Variants in PCED1B observed in about 807,000 individuals in gnomAD.
PCED1B encodes the protein PC-esterase domain-containing protein 1B.
For synonymous variants in PCED1B, 251 were observed against 246.1 expected (o/e 1.02, Z -0.19); for missense variants, 573 against 573.9 (o/e 1.00, Z 0.02).
In PCED1B at chr12:47,098,202, G is replaced by A. The variant is rs748669372; in HGVS notation, c.-608-5911G>A. Among the ~76,000 whole-genome samples the A allele has an allele frequency of 3.3e-4, 51 of 152,262 alleles. 1 individual carries two copies. The Middle Eastern group carries it at 0.02, about 61-fold the overall frequency. On this transcript the variant is annotated intron_variant, in intron 1 of 3. Coordinates refer to ENST00000546455, the MANE Select transcript of PCED1B (RefSeq NM_138371.3). ...CCTTGCCCCACTCCAATGAGACCAG[G>A]GGTAGACTCGTGGACCACAACAATC...
intron 2 of PCED1B, among the ~76,000 whole-genome samples, chr12:47,179,813 T>G (rs1260777531): frequency 6.6e-6 from 1 of 152,166 alleles, no homozygotes; most frequent in African/African-American, 2.4e-5. Flanking sequence ...CATAATCTCT[T>G]CTTCTACTGA....
intron 1 of PCED1B, among the ~76,000 whole-genome samples, chr12:47,092,707 G>A (rs917590947): frequency 2.6e-5 from 4 of 151,982 alleles, no homozygotes; most frequent in South Asian, 4.1e-4. Context: ...AATTGATTAC[G>A]TGTTTTCATC....
intron 2 of PCED1B, among the ~76,000 whole-genome samples, chr12:47,184,708 T>C (rs1447376293): frequency 6.6e-6 from 1 of 151,782 alleles, no homozygotes; most frequent in African/African-American, 2.4e-5. Flanking sequence ...CGTCATTTCA[T>C]AAAAGAAAGG....
At chr12:47,178,445 G>T (rs1294084526) in intron 2 of PCED1B, among the ~76,000 whole-genome samples, 1 of 152,184 alleles carries the variant, frequency 6.6e-6, no homozygotes, top group Non-Finnish European at 1.5e-5. Flanking sequence ...TGCTGCCTCA[G>T]GAAATTTCAT....
intron 2 of PCED1B, among the ~76,000 whole-genome samples, chr12:47,146,608 T>C (rs1411024353): frequency 6.6e-6 from 1 of 152,196 alleles, no homozygotes; most frequent in Non-Finnish European, 1.5e-5. Flanking sequence ...GGCAAAAAGA[T>C]TACAGCTTGC....
chr12:47,157,074 C>A (rs1056888396), intron 2 of PCED1B, among the ~76,000 whole-genome samples: 7 of 152,078 alleles, frequency 4.6e-5, no homozygotes, highest in African/African-American at 1.4e-4. Context: ...TATTTTTGCA[C>A]ATTCAGGACC....
chr12:47,215,510 T>A (rs371315091), intron 2 of PCED1B, among the ~76,000 whole-genome samples: 346 of 151,866 alleles, frequency 2.3e-3, no homozygotes, highest in African/African-American at 7.8e-3. Flanking sequence ...CGCCTCGGCC[T>A]CCCAAAGTGC....
At chr12:47,222,134 A>C (rs1432850861) in intron 3 of PCED1B, among the ~76,000 whole-genome samples, 2 of 124,622 alleles carry the variant, frequency 1.6e-5, no homozygotes, top group Non-Finnish European at 3.6e-5. Context: ...AAAAAAAAAA[A>C]AACGCCCGGG....
intron 2 of PCED1B, among the ~76,000 whole-genome samples, chr12:47,106,374 A>G (rs1179041859): frequency 6.6e-6 from 1 of 151,984 alleles, no homozygotes; most frequent in East Asian, 1.9e-4. Context: ...ATTAACCTTG[A>G]GGTAATCTTT....
At chr12:47,196,340 G>C (rs1168679647) in intron 2 of PCED1B, among the ~76,000 whole-genome samples, 1 of 152,142 alleles carries the variant, frequency 6.6e-6, no homozygotes, top group African/African-American at 2.4e-5. Context: ...CAACCTATTT[G>C]TGCCTCAGTT....
At chr12:47,100,469 C>T (rs563519871) in intron 1 of PCED1B, among the ~76,000 whole-genome samples, 77 of 152,286 alleles carry the variant, frequency 5.1e-4, no homozygotes, top group South Asian at 3.9e-3. Context: ...GGAATTCTTG[C>T]ATTTAAAGCA....
chr12:47,226,294 G>T (rs1401008517), intron 3 of PCED1B, among the ~76,000 whole-genome samples: 1 of 152,152 alleles, frequency 6.6e-6, no homozygotes, highest in Non-Finnish European at 1.5e-5. Flanking sequence ...ACAGTCTCAG[G>T]TACTTAATTT....
At chr12:47,112,976 C>T (rs925190868) in intron 2 of PCED1B, among the ~76,000 whole-genome samples, 1 of 152,202 alleles carries the variant, frequency 6.6e-6, no homozygotes, top group Non-Finnish European at 1.5e-5. Flanking sequence ...TTCCTCTTAA[C>T]TGATATTCCT....
At chr12:47,100,387 T>C (rs186567886) in intron 1 of PCED1B, among the ~76,000 whole-genome samples, 1 of 152,242 alleles carries the variant, frequency 6.6e-6, no homozygotes, top group Non-Finnish European at 1.5e-5. Context: ...GAATCATCCA[T>C]CCATCCATCA....
At chr12:47,100,338 A>G (rs978631655) in intron 1 of PCED1B, among the ~76,000 whole-genome samples, 3 of 152,170 alleles carry the variant, frequency 2.0e-5, no homozygotes, top group African/African-American at 7.2e-5. Context: ...AAACATTCCA[A>G]TTTTACAGCA....
intron 2 of PCED1B, among the ~76,000 whole-genome samples, chr12:47,203,663 A>T (rs1592279132): frequency 6.6e-6 from 1 of 152,212 alleles, no homozygotes; most frequent in South Asian, 2.1e-4. Context: ...TTATGGCTGC[A>T]TAGTATTCTG....
intron 1 of PCED1B, among the ~76,000 whole-genome samples, chr12:47,086,707 T>C (rs1938004179): frequency 6.6e-6 from 1 of 152,216 alleles, no homozygotes; most frequent in African/African-American, 2.4e-5. Flanking sequence ...GTTTTTATTT[T>C]GCTCATTGTT....
At chr12:47,196,565 C>T (rs965904502) in intron 2 of PCED1B, among the ~76,000 whole-genome samples, 16 of 152,344 alleles carry the variant, frequency 1.1e-4, no homozygotes, top group African/African-American at 2.6e-4. Context: ...CCGTGGCTCA[C>T]GCCTGTAATC....
chr12:47,126,512 CT>C (rs1939894846), intron 2 of PCED1B, among the ~76,000 whole-genome samples: 1 of 152,034 alleles, frequency 6.6e-6, no homozygotes, highest in African/African-American at 2.4e-5. Flanking sequence ...TAACGCTGGC[CT>C]GCTATGAGTT....
Sources: gnomAD v4.1 joint callset for allele counts (sites outside exome capture counted in the v4.1 genomes callset) on GRCh38, gnomAD v4.1.1 for gene constraint, MANE v1.5 for transcripts, NCBI Gene and HGNC (gene_info 2026-07-23, HGNC 2026-07-21) for gene names.